Variants in FBXW7 observed in about 807,000 individuals in gnomAD.
The protein encoded by FBXW7 is F-box/WD repeat-containing protein 7.
In FBXW7, 11 loss-of-function variants were observed where a neutral mutation model predicts 86.3. The ratio of observed to expected loss-of-function variants is 0.13; its 90% CI spans 0.08 to 0.21. The LOEUF is 0.21. Ranked by LOEUF, FBXW7 falls within the 10% of genes least tolerant of loss-of-function variation. The pLI, the probability that FBXW7 is intolerant of heterozygous loss-of-function variation, is 1.00. For synonymous variants in FBXW7, 313 were observed against 297.9 expected, an observed-to-expected ratio of 1.05 and a Z score of -0.52; for missense variants, 488 against 847.4, an observed-to-expected ratio of 0.58 and a Z score of 5.27.
At chr4:152,487,563 T>C (rs190156569) in intron 2 of FBXW7, among the ~76,000 whole-genome samples, 70 of 152,176 alleles carry the variant, frequency 4.6e-4, no homozygotes, top group African/African-American at 1.6e-3. Flanking sequence ...GTAAAAAGTA[T>C]TGAAAACTTA....
intron 5 of FBXW7, 45 bp downstream of exon 5, chr4:152,349,997 C>G (rs1193141436): frequency 8.8e-7 from 1 of 1,133,800 alleles, no homozygotes; most frequent in Non-Finnish European, 1.3e-6. Flanking sequence ...AGAATCAACT[C>G]TAAAAAACTG....
intron 2 of FBXW7, among the ~76,000 whole-genome samples, chr4:152,504,546 G>A (rs1747237476): frequency 6.6e-6 from 1 of 152,072 alleles, no homozygotes; most frequent in African/African-American, 2.4e-5. Flanking sequence ...TTGCTTCAAA[G>A]TCTACTACAT....
chr4:152,500,897 T>C (rs1272849099), intron 2 of FBXW7, among the ~76,000 whole-genome samples: 1 of 152,368 alleles, frequency 6.6e-6, no homozygotes, highest in African/African-American at 2.4e-5. Flanking sequence ...AGATTTCTTC[T>C]ATTTGGTTTT....
Position 152,321,559 on chromosome 4 carries a change from T to C in FBXW7, c.*1322A>G, listed in dbSNP as rs1225347458. On this transcript the variant is annotated 3_prime_UTR_variant, in exon 14 of 14. Transcript: ENST00000281708. ...GCAAACCATTTGACTGTTTCATTCATTTTGTTTGTTTGCATGTGACGCCTT... is the reference window on the plus strand; with the variant it reads ...GCAAACCATTTGACTGTTTCATTCACTTTGTTTGTTTGCATGTGACGCCTT... 4.3e-6 allele frequency: 1 copy of C among 233,092 alleles called. No homozygotes were observed. The highest frequency in any genetic ancestry group is 8.5e-6 in the Non-Finnish European group (1 of 117,744). 14.4% of individuals were successfully genotyped at this position (233,092 alleles called of 1,614,324 possible).
intron 2 of FBXW7, among the ~76,000 whole-genome samples, chr4:152,479,525 C>A (rs1041538757): frequency 2.0e-5 from 3 of 152,012 alleles, no homozygotes; most frequent in Non-Finnish European, 4.4e-5. Flanking sequence ...GGACTCATGG[C>A]CAGTTTTCTT....
intron 4 of FBXW7, among the ~76,000 whole-genome samples, chr4:152,380,494 T>C (rs1734967430): frequency 6.6e-6 from 1 of 151,864 alleles, no homozygotes; most frequent in Admixed American, 6.6e-5. Context: ...ATTTCATTTT[T>C]AATATTTAGT....
chr4:152,442,501 T>A (rs1225717858), intron 2 of FBXW7, among the ~76,000 whole-genome samples: 1 of 152,236 alleles, frequency 6.6e-6, no homozygotes, highest in Non-Finnish European at 1.5e-5. Context: ...TTGTTGTCTG[T>A]CTCTCTCATT....
intron 2 of FBXW7, among the ~76,000 whole-genome samples, chr4:152,438,089 G>A (rs561454902): frequency 4.6e-5 from 7 of 152,148 alleles, no homozygotes; most frequent in Admixed American, 2.6e-4. Context: ...CAAGAGAATC[G>A]CTTGAACCTG....
chr4:152,442,745 T>C (rs1404676019), intron 2 of FBXW7, among the ~76,000 whole-genome samples: 1 of 152,208 alleles, frequency 6.6e-6, no homozygotes, highest in African/African-American at 2.4e-5. Flanking sequence ...ACAGTTTTGT[T>C]TCCCAAGTTA....
At chr4:152,437,788 A>G (rs1210993721) in intron 2 of FBXW7, among the ~76,000 whole-genome samples, 1 of 152,238 alleles carries the variant, frequency 6.6e-6, no homozygotes, top group Non-Finnish European at 1.5e-5. Context: ...TCACTCTATC[A>G]GTCAGCAGCC....
At chr4:152,525,593 G>C (rs1381270128) in intron 2 of FBXW7, among the ~76,000 whole-genome samples, 1 of 152,118 alleles carries the variant, frequency 6.6e-6, no homozygotes, top group Non-Finnish European at 1.5e-5. Context: ...ACGGATAATA[G>C]CCTCCAGCTT....
At chr4:152,349,750 T>C (rs1309575145) in intron 5 of FBXW7, among the ~76,000 whole-genome samples, 1 of 151,904 alleles carries the variant, frequency 6.6e-6, no homozygotes, top group South Asian at 2.1e-4. Context: ...CTCATATTCA[T>C]ATTTTATGGT....
At chr4:152,521,723 A>G (rs1296259781) in intron 2 of FBXW7, among the ~76,000 whole-genome samples, 2 of 151,778 alleles carry the variant, frequency 1.3e-5, no homozygotes, top group African/African-American at 4.8e-5. Flanking sequence ...AGCAAAGAAG[A>G]GTCAATTCAA....
intron 2 of FBXW7, among the ~76,000 whole-genome samples, chr4:152,455,844 ACAAGGAC>A (rs1742351144): frequency 1.3e-5 from 2 of 152,092 alleles, no homozygotes; most frequent in African/African-American, 4.8e-5. Context: ...CCTCCTTCTT[ACAAGGAC>A]TCTCTGATTA....
chr4:152,330,661 C>T lies in FBXW7; in HGVS notation c.1122+71G>A, dbSNP rs531710979. 47 of 1,374,852 alleles carry T rather than the reference C, an allele frequency of 3.4e-5. No homozygotes were observed. In the East Asian group the frequency reaches 1.1e-3, roughly 33 times the overall value. 85.2% of individuals were successfully genotyped at this position (1,374,852 alleles called of 1,614,324 possible). A position where few individuals can be genotyped will look rare whatever the true frequency, so the allele number is the denominator to read the frequency against. On this transcript the variant is annotated intron_variant, in intron 9 of 13. Transcript: ENST00000281708. ...GAGGAGTGTCATATTATACAGTTTG[C>T]CAAGTGAAATAGTACACTAGGTACT...
intron 2 of FBXW7, among the ~76,000 whole-genome samples, chr4:152,419,494 A>AACACACACACACACACACACACACACAC (rs57894523): frequency 8.1e-6 from 1 of 123,264 alleles, no homozygotes; most frequent in African/African-American, 3.0e-5. Flanking sequence ...GGATAAGGTA[A>AACACACACACACACACACACACACACAC]ACACACACAC....
Position 152,444,151 on chromosome 4 carries a change from C to T in FBXW7, c.-119-31622G>A, listed in dbSNP as rs140426658. On this transcript the variant is annotated intron_variant, in intron 2 of 13. Transcript: ENST00000281708. ...TTCTACTACTCTTGACCTACAAAAACGGTAATTTCATATGATTTAACCTAA... is the reference window on the plus strand; with the variant it reads ...TTCTACTACTCTTGACCTACAAAAATGGTAATTTCATATGATTTAACCTAA... 1.6e-3 allele frequency among the ~76,000 whole-genome samples: 251 copies of T among 152,254 alleles called. 2 individuals carry two copies. Among genetic ancestry groups the T allele is most frequent in the Middle Eastern group, 3.4e-3 (1 of 294 alleles).
intron 2 of FBXW7, among the ~76,000 whole-genome samples, chr4:152,486,095 G>C (rs964473097): frequency 1.3e-5 from 2 of 151,922 alleles, no homozygotes; most frequent in African/African-American, 4.8e-5. Context: ...ACATAGAAAA[G>C]GTACAGTAAA....
chr4:152,427,644 G>C (rs967381116), intron 2 of FBXW7, among the ~76,000 whole-genome samples: 8 of 152,150 alleles, frequency 5.3e-5, no homozygotes, highest in Non-Finnish European at 7.4e-5. Context: ...CTGAAACCTA[G>C]AAGAGCAGTT....
Sources: gnomAD v4.1 joint callset for allele counts (sites outside exome capture counted in the v4.1 genomes callset) on GRCh38, gnomAD v4.1.1 for gene constraint, MANE v1.5 for transcripts, NCBI Gene and HGNC (gene_info 2026-07-23, HGNC 2026-07-21) for gene names.